DBF4B: variants seen among roughly 807,000 people sequenced by gnomAD.
The protein encoded by DBF4B is DBF4B-CDC7 kinase regulatory subunit.
Under a neutral mutation model 53.4 loss-of-function variants are expected in DBF4B, and 49 were observed. The observed-to-expected ratio is 0.92, with a 90% CI of 0.73 to 1.16. The LOEUF is 1.16. DBF4B is among the 50% of genes most tolerant of loss of function. DBF4B has a pLI of 0.00. For missense variants in DBF4B, 692 were observed against 775.0 expected, an observed-to-expected ratio of 0.89 and a Z score of 1.27; for synonymous variants, 257 against 288.7, an observed-to-expected ratio of 0.89 and a Z score of 1.11.
chr17:44,718,658 G>A (rs1973555651), intron 2 of DBF4B, among the ~76,000 whole-genome samples: 1 of 152,012 alleles, frequency 6.6e-6, no homozygotes, highest in African/African-American at 2.4e-5. Context: ...ATGAAGATAA[G>A]ATAAATCTCA....
At chr17:44,740,858 G>A (rs908604079) in intron 9 of DBF4B, among the ~76,000 whole-genome samples, 4 of 152,296 alleles carry the variant, frequency 2.6e-5, no homozygotes, top group South Asian at 2.1e-4. Flanking sequence ...GGGAGGGGCC[G>A]GGCGTGGTGG....
chr17:44,742,089 A>C (rs1976095065), intron 10 of DBF4B, among the ~76,000 whole-genome samples: 2 of 146,012 alleles, frequency 1.4e-5, no homozygotes, highest in Non-Finnish European at 3.0e-5. Context: ...CTGCCTCTAC[A>C]AAAAATAAAA....
At chr17:44,709,607 C>T (rs1391239198) in intron 2 of DBF4B, among the ~76,000 whole-genome samples, 1 of 152,116 alleles carries the variant, frequency 6.6e-6, no homozygotes, top group Non-Finnish European at 1.5e-5. Flanking sequence ...AGGTGTGAGC[C>T]ACTTCACCAG....
intron 5 of DBF4B, chr17:44,731,480 G>A: frequency 5.3e-6 from 1 of 188,012 alleles, no homozygotes; most frequent in Non-Finnish European, 1.1e-5. Context: ...GCACGCACCT[G>A]TAGTCCCCGC....
intron 10 of DBF4B, among the ~76,000 whole-genome samples, chr17:44,743,604 ATTCTTTT>A (rs1976287394): frequency 7.5e-6 from 1 of 133,582 alleles, no homozygotes; most frequent in African/African-American, 2.9e-5. Flanking sequence ...ATACTGTATG[ATTCTTTT>A]TTTTTTTTTT....
Position 44,723,412 on chromosome 17 carries a change from G to A in DBF4B, c.225+390G>A, listed in dbSNP as rs73303545. ...GAGCCACCACACCCAGCAGTTTCCA[G>A]GTATTTTCAGCGGTCTCACTACATT... On this transcript the variant is annotated intron_variant, in intron 3 of 13. Transcript: ENST00000315005. Among the ~76,000 whole-genome samples the A allele has an allele frequency of 3.0e-3, 459 of 152,030 alleles. 3 individuals are homozygous for A. Among genetic ancestry groups the A allele is most frequent in the African/African-American group, 0.01 (430 of 41,480 alleles).
chr17:44,748,593 C>T, intron 13 of DBF4B, 128 bp downstream of exon 13: 1 of 1,531,204 alleles, frequency 6.5e-7, no homozygotes, highest in Non-Finnish European at 8.8e-7. Flanking sequence ...TGTTTGTGGA[C>T]CCCCCAGGGA....
At chr17:44,728,119 G>A (rs1469357472) in intron 3 of DBF4B, among the ~76,000 whole-genome samples, 2 of 152,060 alleles carry the variant, frequency 1.3e-5, no homozygotes, top group African/African-American at 4.8e-5. Flanking sequence ...CAGCTGGACG[G>A]TCACCTGGGC....
intron 10 of DBF4B, among the ~76,000 whole-genome samples, chr17:44,742,409 CAAAAAAA>C (rs1248602974): frequency 7.7e-5 from 4 of 52,080 alleles, no homozygotes; most frequent in Non-Finnish European, 1.2e-4. Flanking sequence ...GACTCCTTCT[CAAAAAAA>C]AAAAAAAAAA....
chr17:44,730,089 T>C lies in DBF4B; in HGVS notation c.410T>C (p.Val137Ala), dbSNP rs371766696. The change falls in exon 4 of 14, where the codon GTT (valine) becomes GCT (alanine). Residue 137 changes from valine (V) to alanine (A), a missense_variant. By Grantham distance (64) the Val-to-Ala change is moderately conservative. Coordinates refer to ENST00000315005, the MANE Select transcript of DBF4B (RefSeq NM_145663.3). ...CACCCCAGGCCTTCACGGAAACCCGTTGACTCGGTAAGAACCTCATGTAGG... is the reference window on the plus strand; with the variant it reads ...CACCCCAGGCCTTCACGGAAACCCGCTGACTCGGTAAGAACCTCATGTAGG... ...GSHPRPSRKP[V>A]DSVPLSRGKE... is the part of the protein sequence containing the mutation. The C allele has an allele frequency of 2.5e-6, 4 of 1,612,286 alleles. No individual in the cohort carries two copies. The highest frequency in any genetic ancestry group is 3.4e-6 in the Non-Finnish European group (4 of 1,179,964).
Position 44,749,604 on chromosome 17 carries a change from G to T in DBF4B, c.1190-991G>T. On this transcript the variant is annotated intron_variant, in intron 13 of 13. Transcript: ENST00000315005. The surrounding 1 kb of genome is among the most constrained non-coding windows in gnomAD (Gnocchi z 4.4). The stretch of plus-strand genomic sequence containing the variant: ...CTGGGGGCTGCCCTCTCCTACCCCT[G>T]CCTCCTGCCATGTTCCTGACCAGGC... The T allele has an allele frequency of 8.4e-7, 1 of 1,189,476 alleles. No individual in the cohort carries two copies. The highest frequency in any genetic ancestry group is 1.1e-6 in the Non-Finnish European group (1 of 941,364). 73.7% of individuals were successfully genotyped at this position (1,189,476 alleles called of 1,614,324 possible).
At chr17:44,736,795 C>T in intron 7 of DBF4B, 35 bp from the exon 8 acceptor site, 1 of 1,613,880 alleles carries the variant, frequency 6.2e-7, no homozygotes, top group Non-Finnish European at 8.5e-7. Context: ...CCGTGGCTTC[C>T]TCACATCCTT....
intron 9 of DBF4B, among the ~76,000 whole-genome samples, chr17:44,740,525 ATAGT>A (rs1975899136): frequency 6.6e-6 from 1 of 152,158 alleles, no homozygotes; most frequent in Non-Finnish European, 1.5e-5. Flanking sequence ...CAGCCCTCAG[ATAGT>A]TCTAAGGACC....
chr17:44,731,007 A>C lies in DBF4B; in HGVS notation c.460A>C (p.Arg154=). The change falls in exon 5 of 14, where the codon AGA becomes CGA. Residue 154 remains arginine (R), a synonymous_variant. Transcript: ENST00000315005. The part of the protein sequence containing the change: ...RGKELLQKAI[R]NQGSISGGGS... ...GAAGGAGCTGCTGCAGAAGGCTATCAGAAACCAGGTGAGCTGGGGCAAGAT... is the reference window on the plus strand; with the variant it reads ...GAAGGAGCTGCTGCAGAAGGCTATCCGAAACCAGGTGAGCTGGGGCAAGAT... 6.2e-7 allele frequency: 1 copy of C among 1,614,082 alleles called. No individual in the cohort carries two copies. The highest frequency in any genetic ancestry group is 1.1e-5 in the South Asian group (1 of 91,084).
In DBF4B at chr17:44,749,742, C is replaced by T. The variant is rs536504400; in HGVS notation, c.1190-853C>T. The T allele has an allele frequency of 2.4e-3, 2,655 of 1,119,802 alleles. 9 individuals carry two copies. Among genetic ancestry groups the T allele is most frequent in the Non-Finnish European group, 2.5e-3 (2,265 of 905,288 alleles). 69.4% of individuals were successfully genotyped at this position (1,119,802 alleles called of 1,614,324 possible). A position where few individuals can be genotyped will look rare whatever the true frequency, so the allele number is the denominator to read the frequency against. On this transcript the variant is annotated intron_variant, in intron 13 of 13. Transcript: ENST00000315005. The surrounding 1 kb of genome is among the most constrained non-coding windows in gnomAD (Gnocchi z 4.4). ...AGCTGGGGCAGCAGGAGTCCTGGCC[C>T]GGCTTCCTGGCCCTCCACAGGCCCT...
At position 44,732,242 on chromosome 17, in the gene DBF4B, G is replaced by A; in HGVS notation, c.533G>A (p.Gly178Glu). The change falls in exon 6 of 14, where the codon GGA becomes GAA. Residue 178 changes from glycine (G) to glutamate (E), a missense_variant. This residue lies in a region of DBF4B where 597 missense variants were observed against 665.8 expected (regional missense o/e 0.90). Transcript: ENST00000315005. ...CTCCTGACCAATGCCCGCTCTTGGG[G>A]AGTGAGGATTCTGCACGTGGATGGT... ...SSLLTNARSW[G>E]VRILHVDEMM... 1 of 1,614,168 alleles carries A rather than the reference G, an allele frequency of 6.2e-7. No homozygotes were observed. Among genetic ancestry groups the A allele is most frequent in the Non-Finnish European group, 8.5e-7 (1 of 1,180,024 alleles).
chr17:44,719,804 A>G (rs545839218), intron 2 of DBF4B: 34 of 232,798 alleles, frequency 1.5e-4, no homozygotes, highest in Admixed American at 1.2e-3. Flanking sequence ...GTTAGGGCAG[A>G]CACAGATCAC....
At chr17:44,711,782 A>G (rs981977421) in intron 2 of DBF4B, among the ~76,000 whole-genome samples, 5 of 152,098 alleles carry the variant, frequency 3.3e-5, no homozygotes, top group African/African-American at 1.2e-4. Flanking sequence ...TAAAAATACA[A>G]AAAATTAGCC....
At position 44,730,859 on chromosome 17, in the gene DBF4B, G is replaced by A. The variant is rs141601628; in HGVS notation, c.418-106G>A. 387 of 1,152,668 alleles carry A rather than the reference G, an allele frequency of 3.4e-4. 1 individual carries two copies. The highest frequency in any genetic ancestry group is 4.2e-4 in the African/African-American group (27 of 64,806). The allele number at this position is 1,152,668 out of a possible 1,614,324, so 71.4% of individuals were successfully genotyped here. A position where few individuals can be genotyped will look rare whatever the true frequency, so the allele number is the denominator to read the frequency against. On this transcript the variant is annotated intron_variant, in intron 4 of 13. Transcript: ENST00000315005. The stretch of plus-strand genomic sequence containing the variant: ...CAGTTGTCACTGCTCCCAGCTTTCC[G>A]AGGGACATAACCCCAAGACATAACC...
Sources: allele counts gnomAD v4.1 joint callset (sites outside exome capture counted in the v4.1 genomes callset), GRCh38; gene constraint gnomAD v4.1.1; regional missense constraint gnomAD v4.1.1; non-coding constraint Gnocchi (gnomAD v3.1); transcripts MANE v1.5; gene names NCBI Gene and HGNC (gene_info 2026-07-23, HGNC 2026-07-21).